Variants in BRAF observed in about 807,000 individuals in gnomAD.
The protein encoded by BRAF is B-Raf proto-oncogene, serine/threonine kinase.
BRAF carries 16 observed loss-of-function variants against 104.6 expected under a neutral mutation model. The ratio of observed to expected loss-of-function variants is 0.15; its 90% CI spans 0.10 to 0.23. The LOEUF is 0.23. Among genes scored for constraint, BRAF ranks in the 10% least tolerant of loss-of-function variants. The pLI, the probability that BRAF is intolerant of heterozygous loss-of-function variation, is 1.00. For missense variants in BRAF, 541 were observed against 937.3 expected (o/e 0.58, Z 5.52); for synonymous variants, 310 against 341.6 (o/e 0.91, Z 1.02).
At chr7:140,913,469 C>CTTTTTTTTTTTTTTTTTT (rs369746551) in intron 1 of BRAF, among the ~76,000 whole-genome samples, 2 of 57,016 alleles carry the variant, frequency 3.5e-5, no homozygotes, top group Admixed American at 3.1e-4. Context: ...TTAATCACAG[C>CTTTTTTTTTTTTTTTTTT]TTTTTTTTTT....
chr7:140,782,909 TG>T, intron 11 of BRAF, 111 bp downstream of exon 10: 5 of 1,276,462 alleles, frequency 3.9e-6, no homozygotes, highest in Non-Finnish European at 5.4e-6. Flanking sequence ...TATTTAATTA[TG>T]GGAATTCTGT....
chr7:140,919,347 T>C (rs1334376260), intron 1 of BRAF, among the ~76,000 whole-genome samples: 1 of 152,052 alleles, frequency 6.6e-6, no homozygotes, highest in Non-Finnish European at 1.5e-5. Context: ...ATAAAGTTAA[T>C]TGAGTTCAAA....
chr7:140,819,425 A>G (rs1362995640), intron 3 of BRAF, among the ~76,000 whole-genome samples: 2 of 152,248 alleles, frequency 1.3e-5, no homozygotes, highest in Non-Finnish European at 2.9e-5. Context: ...CCTCATGCTC[A>G]AGGGAAAGTA....
At chr7:140,799,080 C>T (rs572501557) in intron 7 of BRAF, 3 of 183,162 alleles carry the variant, frequency 1.6e-5, no homozygotes, top group Admixed American at 6.3e-5. Context: ...TCTCGAACTC[C>T]TGACCTCGTG....
At chr7:140,879,031 T>G (rs755378923) in intron 1 of BRAF, among the ~76,000 whole-genome samples, 7 of 150,940 alleles carry the variant, frequency 4.6e-5, no homozygotes, top group Non-Finnish European at 1.0e-4. Flanking sequence ...TGCACCACCA[T>G]GCCCAGCTAA....
chr7:140,806,263 C>T (rs1803647761), intron 5 of BRAF, among the ~76,000 whole-genome samples: 1 of 152,132 alleles, frequency 6.6e-6, no homozygotes. Flanking sequence ...TCCTCAAAAG[C>T]CAGGTTAGGA....
In BRAF at chr7:140,868,066, C is replaced by T. The variant is rs138962248; in HGVS notation, c.139-17854G>A. ...CTAGAACCAAGTTGTCCACTCAAGA[C>T]CATCCTAGACTAGCCATCTACCTAA... On this transcript the variant is annotated intron_variant, in intron 1 of 19. Transcript: ENST00000644969. Among the ~76,000 whole-genome samples, 196 of 152,298 alleles carry T rather than the reference C, an allele frequency of 1.3e-3. 1 individual carries two copies. The highest frequency in any genetic ancestry group is 4.3e-3 in the African/African-American group (177 of 41,558).
intron 1 of BRAF, among the ~76,000 whole-genome samples, chr7:140,855,627 G>A (rs1212456483): frequency 6.6e-6 from 1 of 151,208 alleles, no homozygotes; most frequent in Non-Finnish European, 1.5e-5. Flanking sequence ...ATTAGTAACA[G>A]GTGATTTTAT....
intron 5 of BRAF, among the ~76,000 whole-genome samples, chr7:140,807,229 C>A (rs1271770229): frequency 6.6e-6 from 1 of 152,134 alleles, no homozygotes; most frequent in Non-Finnish European, 1.5e-5. Context: ...TCCAGCCATT[C>A]TATTTCCATT....
chr7:140,731,647 C>T (rs1032233132), intron 19 of BRAF: 3 of 152,006 alleles, frequency 2.0e-5, no homozygotes, highest in Non-Finnish European at 4.4e-5. Context: ...AGTTTAGTAT[C>T]TAAATGGCTG....
intron 1 of BRAF, among the ~76,000 whole-genome samples, chr7:140,852,405 A>C (rs976470847): frequency 2.0e-5 from 3 of 151,402 alleles, no homozygotes; most frequent in Non-Finnish European, 2.9e-5. Flanking sequence ...AAAAAAAAAA[A>C]CCAAAAACCA....
At chr7:140,841,052 C>T (rs1214774441) in intron 2 of BRAF, among the ~76,000 whole-genome samples, 1 of 151,910 alleles carries the variant, frequency 6.6e-6, no homozygotes, top group Admixed American at 6.6e-5. Flanking sequence ...AAGGACAAAC[C>T]CAGTTTTTTT....
chr7:140,783,758 A>C (rs1801100642), intron 10 of BRAF, among the ~76,000 whole-genome samples: 1 of 152,222 alleles, frequency 6.6e-6, no homozygotes, highest in Non-Finnish European at 1.5e-5. Flanking sequence ...ACATTATTAA[A>C]CAAAGATTAT....
At chr7:140,835,620 C>T (rs771111677) in intron 2 of BRAF, 1 of 151,838 alleles carries the variant, frequency 6.6e-6, no homozygotes, top group Non-Finnish European at 1.5e-5. Flanking sequence ...GGCTTATACC[C>T]TACAGCCAAG....
In BRAF at chr7:140,808,351, CAA is replaced by C. The variant is rs35843886; in HGVS notation, c.609-291_609-290del. 18,826 of 192,102 alleles carry C rather than the reference CAA, an allele frequency of 0.098. 57 individuals carry two copies. Among genetic ancestry groups the C allele is most frequent in the African/African-American group, 0.14 (2,319 of 16,650 alleles). 11.9% of individuals were successfully genotyped at this position (192,102 alleles called of 1,614,324 possible). ...CAGAAAATGGATTGTTCCTGGGGTC[CAA>C]AAAAAAAAAAAAAAAAAAAAAAAAT... is the stretch of plus-strand genomic sequence containing the variant. On this transcript the variant is annotated intron_variant, in intron 4 of 19. Coordinates refer to ENST00000644969, the MANE Select transcript of BRAF (RefSeq NM_001374258.1).
chr7:140,719,147 G>A (rs1795206547), downstream of BRAF, among the ~76,000 whole-genome samples: 1 of 152,182 alleles, frequency 6.6e-6, no homozygotes, highest in South Asian at 2.1e-4. Context: ...TGTATAGCAC[G>A]TATAACCTAC....
At chr7:140,838,405 C>A (rs1201400565) in intron 2 of BRAF, among the ~76,000 whole-genome samples, 2 of 152,074 alleles carry the variant, frequency 1.3e-5, no homozygotes, top group East Asian at 1.9e-4. Flanking sequence ...TAATTGATAA[C>A]CTGGGAGGCG....
downstream of BRAF, among the ~76,000 whole-genome samples, chr7:140,714,919 G>A (rs1032241004): frequency 1.3e-5 from 2 of 152,132 alleles, no homozygotes; most frequent in African/African-American, 2.4e-5. Context: ...TTGTGCGAGG[G>A]TGAAGAGTGT....
intron 1 of BRAF, among the ~76,000 whole-genome samples, chr7:140,900,929 T>C (rs1414934071): frequency 6.6e-6 from 1 of 152,128 alleles, no homozygotes; most frequent in Non-Finnish European, 1.5e-5. Flanking sequence ...CTTTTATAAG[T>C]CCCTCAGACG....
Sources: gnomAD v4.1 joint callset for allele counts (sites outside exome capture counted in the v4.1 genomes callset) on GRCh38, gnomAD v4.1.1 for gene constraint, MANE v1.5 for transcripts, NCBI Gene and HGNC (gene_info 2026-07-23, HGNC 2026-07-21) for gene names.